GUSB: variants seen among roughly 807,000 people sequenced by gnomAD.
GUSB encodes glucuronidase beta, also known as beta-glucuronidase.
Under a neutral mutation model 74.6 loss-of-function variants are expected in GUSB, and 51 were observed. The ratio of observed to expected loss-of-function variants is 0.68; its 90% CI spans 0.55 to 0.86. GUSB has a LOEUF of 0.86. GUSB is among the 40% of genes least tolerant of loss of function. GUSB has a pLI of 0.00. For missense variants in GUSB, 736 were observed against 853.7 expected, an observed-to-expected ratio of 0.86 and a Z score of 1.72; for synonymous variants, 360 against 348.3, an observed-to-expected ratio of 1.03 and a Z score of -0.37.
Position 65,960,940 on chromosome 7 carries a change from G to C in GUSB, c.1913C>G (p.Ser638Ter). The change falls in exon 12 of 12, where the codon TCA (serine) becomes TGA (stop). Residue 638 changes from serine to a stop codon, truncating the protein, a stop_gained. Transcript: ENST00000304895. LOFTEE classifies it low-confidence loss of function (END_TRUNC). The stretch of plus-strand genomic sequence containing the variant: ...TTCCAAACATTGTGACTTGGCTACT[G>C]AGTGGGGATACCTGGTTTCATTGGC... ...KIANETRYPH[S>*]VAKSQCLENS... The C allele has an allele frequency of 6.2e-7, 1 of 1,613,994 alleles. No individual in the cohort carries two copies.
chr7:65,979,150 G>C (rs577406696), intron 4 of GUSB, among the ~76,000 whole-genome samples: 1 of 152,244 alleles, frequency 6.6e-6, no homozygotes, highest in African/African-American at 2.4e-5. Context: ...ATAGAGAAGG[G>C]ACAGGATTGC....
chr7:65,974,229 A>C (rs1583919856), intron 8 of GUSB, 66 bp downstream of exon 8: 1 of 1,540,328 alleles, frequency 6.5e-7, no homozygotes. Context: ...GCACATGCCC[A>C]CCGAGGCCAG....
At chr7:65,976,485 T>A (rs991857990) in intron 4 of GUSB, among the ~76,000 whole-genome samples, 2 of 151,970 alleles carry the variant, frequency 1.3e-5, no homozygotes. Context: ...ACCACCATGC[T>A]TGGCGAATTT....
chr7:65,963,472 T>C (rs1790632807), intron 11 of GUSB, among the ~76,000 whole-genome samples: 1 of 152,210 alleles, frequency 6.6e-6, no homozygotes, highest in South Asian at 2.1e-4. Flanking sequence ...TAAGAAGAAA[T>C]GGGACACATT....
chr7:65,974,202 G>A (rs141922569), intron 8 of GUSB, 93 bp downstream of exon 8: 18,074 of 1,251,502 alleles, frequency 0.014, 170 homozygotes, highest in Non-Finnish European at 0.018. Flanking sequence ...GGCTGGACAC[G>A]AGGCCGATCT....
chr7:65,978,051 C>G (rs1791707611), intron 4 of GUSB, among the ~76,000 whole-genome samples: 1 of 152,076 alleles, frequency 6.6e-6, no homozygotes, highest in South Asian at 2.1e-4. Flanking sequence ...ACCTCGTGAT[C>G]CCCCCACCTT....
chr7:65,974,286 A>T lies in GUSB; in HGVS notation c.1391+9T>A. On this transcript the variant is annotated intron_variant, in intron 8 of 11. Coordinates refer to ENST00000304895, the MANE Select transcript of GUSB (RefSeq NM_000181.4). ...CCACTCTAGCCGAGGGCAGGGAGGG[A>T]GCACTCACTTCAAGTAGTAGCCAGC... The T allele has an allele frequency of 6.2e-7, 1 of 1,613,146 alleles. No individual in the cohort carries two copies. Among genetic ancestry groups the T allele is most frequent in the Non-Finnish European group, 8.5e-7 (1 of 1,179,766 alleles).
chr7:65,975,022 G>A lies in GUSB; in HGVS notation c.962C>T (p.Thr321Ile), dbSNP rs1583924519. The change falls in exon 6 of 12, where the codon ACA becomes ATA. Residue 321 changes from threonine to isoleucine, a missense_variant. By Grantham distance (89) the Thr-to-Ile change is moderately conservative. Coordinates refer to ENST00000304895, the MANE Select transcript of GUSB (RefSeq NM_000181.4). ...CACAGTGCGGATCCCCACAGGGAGT[G>A]TGTAGAAGTCAGACACAGGCCCCAG... ...TSLGPVSDFYTLPVGIRTVAV... is the reference protein window; with the variant it reads ...TSLGPVSDFYILPVGIRTVAV... The A allele has an allele frequency of 1.2e-6, 2 of 1,613,360 alleles. No individual in the cohort carries two copies. Among genetic ancestry groups the A allele is most frequent in the Non-Finnish European group, 1.7e-6 (2 of 1,179,328 alleles).
At chr7:65,975,971 G>T in intron 5 of GUSB, 44 bp downstream of exon 5, 1 of 1,552,884 alleles carries the variant, frequency 6.4e-7, no homozygotes, top group South Asian at 1.2e-5. Context: ...GTCACCACAT[G>T]GGGGCAAAAG....
chr7:65,981,755 G>A (rs910827471), intron 1 of GUSB: 5 of 525,740 alleles, frequency 9.5e-6, no homozygotes, highest in African/African-American at 2.0e-5. Context: ...GAAAGGGCTC[G>A]GCAAGAGCCT....
chr7:65,976,225 G>T, intron 4 of GUSB, 23 bp from the exon 5 acceptor site: 1 of 1,582,154 alleles, frequency 6.3e-7, no homozygotes, highest in African/African-American at 1.3e-5. Flanking sequence ...AGAGAGACCA[G>T]GGCTGAGGGA....
chr7:65,970,839 A>C (rs1188104433), intron 8 of GUSB, among the ~76,000 whole-genome samples: 1 of 152,060 alleles, frequency 6.6e-6, no homozygotes, highest in Non-Finnish European at 1.5e-5. Context: ...CAGTGGGCCA[A>C]GATCATGCCA....
intron 1 of GUSB, 194 bp from the exon 2 acceptor site, chr7:65,980,603 A>T (rs1791944500): frequency 1.6e-5 from 10 of 627,188 alleles, no homozygotes; most frequent in Non-Finnish European, 2.9e-5. Context: ...TGGGGCCAGG[A>T]GTTCCTCCTC....
intron 3 of GUSB, 41 bp from the exon 4 acceptor site, chr7:65,979,582 G>A: frequency 1.9e-6 from 3 of 1,613,100 alleles, no homozygotes; most frequent in Non-Finnish European, 2.5e-6. Flanking sequence ...CCTTGCTCTG[G>A]GTCCCCTGAC....
rs1562696779 is a variant in GUSB at position 65,980,424 on chromosome 7, G to A, written c.211-15C>T. ...GTGGGGCCTGACTGTGGAGAGAAGA[G>A]CCGGGCTCAGCTCCTAGGCCCCCAA... On this transcript the variant is annotated splice_polypyrimidine_tract_variant and intron_variant, in intron 1 of 11. Coordinates refer to ENST00000304895, the MANE Select transcript of GUSB (RefSeq NM_000181.4). 3.1e-6 allele frequency: 5 copies of A among 1,609,840 alleles called. No homozygotes were observed. Among genetic ancestry groups the A allele is most frequent in the East Asian group, 2.2e-5 (1 of 44,658 alleles).
At chr7:65,970,524 G>GGTGGATCAAAGTGC (rs1791127570) in intron 8 of GUSB, among the ~76,000 whole-genome samples, 158 bp from the exon 9 acceptor site, 1 of 151,934 alleles carries the variant, frequency 6.6e-6, no homozygotes, top group East Asian at 1.9e-4. Flanking sequence ...GGCCGAGGTG[G>GGTGGATCAAAGTGC]GTGGATCACT....
intron 1 of GUSB, chr7:65,980,789 G>A: frequency 2.0e-5 from 7 of 344,388 alleles, no homozygotes; most frequent in South Asian, 1.8e-4. Flanking sequence ...TGAGTGGGGT[G>A]CACACTGGCA....
intron 11 of GUSB, among the ~76,000 whole-genome samples, chr7:65,961,804 C>T (rs1007433639): frequency 9.2e-5 from 14 of 152,182 alleles, no homozygotes; most frequent in African/African-American, 2.9e-4. Flanking sequence ...GAGATTAAGA[C>T]CAGCCTGGAC....
At chr7:65,965,006 C>A (rs1399505181) in intron 10 of GUSB, among the ~76,000 whole-genome samples, 1 of 151,830 alleles carries the variant, frequency 6.6e-6, no homozygotes. Context: ...GAGATCAAAG[C>A]GACAGTGAGC....
Sources: gnomAD v4.1 joint callset for allele counts (sites outside exome capture counted in the v4.1 genomes callset) on GRCh38, gnomAD v4.1.1 for gene constraint, MANE v1.5 for transcripts, NCBI Gene and HGNC (gene_info 2026-07-23, HGNC 2026-07-21) for gene names.